ARHGAP32: variants seen among roughly 807,000 people sequenced by gnomAD.
ARHGAP32 encodes Rho GTPase activating protein 32.
A neutral mutation model predicts 186.5 loss-of-function variants in ARHGAP32; 51 were observed. That is an observed-to-expected ratio of 0.27 (90% confidence interval 0.22 to 0.35). The LOEUF (loss-of-function observed/expected upper bound fraction) is 0.35, where lower values mean the gene tolerates loss of function less well. ARHGAP32 is among the 10% of genes least tolerant of loss of function. The probability of loss-of-function intolerance (pLI) is 1.00; values close to 1 mark genes in which losing one functional copy is unlikely to be tolerated. For synonymous variants in ARHGAP32, 950 were observed against 964.3 expected (o/e 0.99, Z 0.27); for missense variants, 2,186 against 2,623.5 (o/e 0.83, Z 3.64).
Position 128,974,702 on chromosome 11 carries a change from A to G in ARHGAP32, c.2495T>C (p.Phe832Ser), listed in dbSNP as rs961242269. 3 of 1,614,164 alleles carry G rather than the reference A, an allele frequency of 1.9e-6. No homozygotes were observed. Among genetic ancestry groups the G allele is most frequent in the Non-Finnish European group, 2.5e-6 (3 of 1,180,020 alleles). Residue 832 changes from phenylalanine (F) to serine (S), a missense_variant, in exon 21 of 23, where the codon TTT becomes TCT. Phe to Ser is a radical substitution (Grantham distance 155). Transcript: ENST00000682385. ...CTTGGAGTATCCTGGTGAATCTAAA[A>G]AGGAAGCACCACTCTCCAGACATTC... ...ESECLESGAS[F>S]LDSPGYSKDK...
intron 1 of ARHGAP32, among the ~76,000 whole-genome samples, chr11:129,249,024 T>C (rs191670401): frequency 2.3e-4 from 35 of 152,316 alleles, no homozygotes; most frequent in African/African-American, 8.2e-4. Flanking sequence ...AATTAGCTCT[T>C]ACAACAAATG....
At chr11:128,987,599 G>T (rs1440117123) in intron 13 of ARHGAP32, among the ~76,000 whole-genome samples, 3 of 152,148 alleles carry the variant, frequency 2.0e-5, no homozygotes, top group Non-Finnish European at 4.4e-5. Context: ...GAGAAGATTT[G>T]GGGAGGATGT....
chr11:129,049,276 T>C (rs987817441), intron 10 of ARHGAP32, among the ~76,000 whole-genome samples: 1 of 152,096 alleles, frequency 6.6e-6, no homozygotes, highest in Admixed American at 6.5e-5. Flanking sequence ...AAGGACAGTA[T>C]ATGAATGTAA....
intron 11 of ARHGAP32, among the ~76,000 whole-genome samples, chr11:129,011,164 T>C (rs1321071047): frequency 3.3e-5 from 5 of 152,238 alleles, no homozygotes; most frequent in Non-Finnish European, 5.9e-5. Flanking sequence ...ACACTTAGTA[T>C]GTGCAAGTAA....
intron 11 of ARHGAP32, among the ~76,000 whole-genome samples, chr11:129,035,673 A>G (rs2134991531): frequency 6.6e-6 from 1 of 151,982 alleles, no homozygotes; most frequent in East Asian, 2.0e-4. Context: ...ATGAAACCTC[A>G]CCTCTACTAA....
chr11:128,981,629 C>A, intron 16 of ARHGAP32, 68 bp from the exon 17 acceptor site: 1 of 1,490,548 alleles, frequency 6.7e-7, no homozygotes, highest in Admixed American at 2.0e-5. Context: ...TTTTTTTAAA[C>A]GTGTAAATCT....
At chr11:129,125,823 T>C in intron 2 of ARHGAP32, 1 of 382,958 alleles carries the variant, frequency 2.6e-6, no homozygotes, top group South Asian at 2.0e-5. Flanking sequence ...CAAATTTAAC[T>C]ATTTATAAGG....
At chr11:129,243,841 A>T (rs1945052101) in intron 1 of ARHGAP32, among the ~76,000 whole-genome samples, 1 of 152,218 alleles carries the variant, frequency 6.6e-6, no homozygotes, top group Non-Finnish European at 1.5e-5. Context: ...AGCCCAAAGT[A>T]ACCCGCACTT....
intron 1 of ARHGAP32, among the ~76,000 whole-genome samples, chr11:129,165,867 G>C (rs531160333): frequency 1.6e-4 from 24 of 152,164 alleles, no homozygotes; most frequent in African/African-American, 5.5e-4. Context: ...AAGCCTCTCT[G>C]AGATTAGATG....
At chr11:129,147,254 A>G (rs888673233) in intron 2 of ARHGAP32, among the ~76,000 whole-genome samples, 15 of 152,196 alleles carry the variant, frequency 9.9e-5, no homozygotes, top group African/African-American at 3.4e-4. Flanking sequence ...AGTATTTTCC[A>G]TAAGTGCTTA....
chr11:129,248,297 G>T (rs569994217), intron 1 of ARHGAP32, among the ~76,000 whole-genome samples: 51 of 151,428 alleles, frequency 3.4e-4, no homozygotes, highest in Non-Finnish European at 6.6e-4. Flanking sequence ...CCTTCTAGAA[G>T]TTCTATAAGC....
intron 5 of ARHGAP32, among the ~76,000 whole-genome samples, chr11:129,114,304 T>C (rs1942305325): frequency 6.6e-6 from 1 of 152,154 alleles, no homozygotes; most frequent in East Asian, 1.9e-4. Context: ...CATATCCAAA[T>C]TCTATTCAAT....
chr11:129,026,308 A>G (rs1332062022), intron 11 of ARHGAP32, among the ~76,000 whole-genome samples: 1 of 152,218 alleles, frequency 6.6e-6, no homozygotes, highest in Non-Finnish European at 1.5e-5. Context: ...CAAAAAATAT[A>G]ATTGACTGAA....
chr11:129,219,280 T>G (rs1211176937), intron 1 of ARHGAP32, among the ~76,000 whole-genome samples: 3 of 152,314 alleles, frequency 2.0e-5, no homozygotes, highest in Non-Finnish European at 4.4e-5. Flanking sequence ...TAGGACTATA[T>G]ATACAAAAAT....
At chr11:129,148,513 G>A (rs1943219237) in intron 2 of ARHGAP32, among the ~76,000 whole-genome samples, 1 of 152,132 alleles carries the variant, frequency 6.6e-6, no homozygotes, top group South Asian at 2.1e-4. Flanking sequence ...TACCTCACAG[G>A]GGCCTTCAGG....
chr11:129,199,722 C>A (rs1361852479), intron 1 of ARHGAP32, among the ~76,000 whole-genome samples: 2 of 152,230 alleles, frequency 1.3e-5, no homozygotes, highest in Non-Finnish European at 2.9e-5. Flanking sequence ...GGTTGAAGCC[C>A]CCACACAGAG....
chr11:129,228,003 T>C (rs577925937), intron 1 of ARHGAP32, among the ~76,000 whole-genome samples: 4 of 151,424 alleles, frequency 2.6e-5, no homozygotes, highest in African/African-American at 7.2e-5. Flanking sequence ...TCTTGATACA[T>C]TTAAAAGGAC....
At chr11:129,107,128 G>T (rs1207011316) in intron 5 of ARHGAP32, among the ~76,000 whole-genome samples, 3 of 152,166 alleles carry the variant, frequency 2.0e-5, no homozygotes, top group African/African-American at 7.2e-5. Context: ...CAGCTGAAAT[G>T]TTGAGGCCAA....
chr11:129,276,623 T>A (rs1439197278), intron 1 of ARHGAP32, among the ~76,000 whole-genome samples: 2 of 152,244 alleles, frequency 1.3e-5, no homozygotes, highest in African/African-American at 4.8e-5. Context: ...GCATGTTTTT[T>A]AAATTTCTGT....
Sources: allele counts gnomAD v4.1 joint callset (sites outside exome capture counted in the v4.1 genomes callset), GRCh38; gene constraint gnomAD v4.1.1; transcripts MANE v1.5; gene names NCBI Gene and HGNC (gene_info 2026-07-23, HGNC 2026-07-21).